The following EPB42 variants were observed in gnomAD, a reference collection of about 807,000 sequenced individuals.
EPB42 encodes the protein erythrocyte membrane protein band 4.2, also known as protein 4.2.
Under a neutral mutation model 76.9 loss-of-function variants are expected in EPB42, and 49 were observed. That is an observed-to-expected ratio of 0.64 (90% CI 0.51 to 0.81). The LOEUF is 0.81. Among genes scored for constraint, EPB42 ranks in the 30% least tolerant of loss-of-function variants. The pLI is 0.00. For synonymous variants in EPB42, 310 were observed against 338.4 expected (o/e 0.92, Z 0.92); for missense variants, 731 against 867.6 (o/e 0.84, Z 1.98).
Position 43,206,136 on chromosome 15 carries a change from G to C in EPB42, c.1618+194C>G. 1.7e-6 allele frequency: 1 copy of C among 589,628 alleles called. No individual in the cohort carries two copies. Among genetic ancestry groups the C allele is most frequent in the Non-Finnish European group, 2.9e-6 (1 of 345,382 alleles). The allele number at this position is 589,628 out of a possible 1,614,324, so 36.5% of individuals were successfully genotyped here. A position where few individuals can be genotyped will look rare whatever the true frequency, so the allele number is the denominator to read the frequency against. ...TACTTATCTGACTGCAGTTGGCATCGTGTTTTTTTCCTGCTTCAGGCCCAA... is the reference window on the plus strand; with the variant it reads ...TACTTATCTGACTGCAGTTGGCATCCTGTTTTTTTCCTGCTTCAGGCCCAA... On this transcript the variant is annotated intron_variant, in intron 10 of 12. Coordinates refer to ENST00000441366, the MANE Select transcript of EPB42 (RefSeq NM_001114134.2). The surrounding 1 kb of genome is among the most constrained non-coding windows in gnomAD (Gnocchi z 4.7).
chr15:43,197,752 T>C (rs1398537904), intron 12 of EPB42, among the ~76,000 whole-genome samples: 4 of 152,168 alleles, frequency 2.6e-5, no homozygotes, highest in African/African-American at 9.7e-5. Context: ...GGTAATTGTA[T>C]TGGAGTTTGT....
chr15:43,209,279 C>G lies in EPB42; in HGVS notation c.827G>C (p.Cys276Ser). The G allele has an allele frequency of 3.1e-6, 5 of 1,614,094 alleles. No individual in the cohort carries two copies. Among genetic ancestry groups the G allele is most frequent in the Non-Finnish European group, 3.4e-6 (4 of 1,180,024 alleles). Residue 276 changes from cysteine to serine, a missense_variant, in exon 6 of 13, where the codon TGC (cysteine) becomes TCC (serine). Physicochemically the swap from Cys to Ser is moderately radical, Grantham distance 112. Coordinates refer to ENST00000441366, the MANE Select transcript of EPB42 (RefSeq NM_001114134.2). ...GQAWVLAAVA[C>S]TVLRCLGIPA... ...CAGGAGACAAGGGGACCAACCTGTG[C>G]AAGCAACAGCAGCCAACACCCAGGC... is the stretch of plus-strand genomic sequence containing the variant.
In EPB42 at chr15:43,206,461, G is replaced by A. The variant is rs199787216; in HGVS notation, c.1487C>T (p.Thr496Met). The change falls in exon 10 of 13, where the codon ACG (threonine) becomes ATG (methionine). Residue 496 changes from threonine (T) to methionine (M), a missense_variant. By Grantham distance (81) the Thr-to-Met change is moderately conservative. Coordinates refer to ENST00000441366, the MANE Select transcript of EPB42 (RefSeq NM_001114134.2). The surrounding 1 kb of genome is among the most constrained non-coding windows in gnomAD (Gnocchi z 4.7). Reference sequence around the variant, plus strand: ...CTCCTGCTCACTGTGATTAACCAGCGTCACTGAGATCTGGGCATCCCCTCT... The same window carrying A: ...CTCCTGCTCACTGTGATTAACCAGCATCACTGAGATCTGGGCATCCCCTCT... ...PLRGDAQISV[T>M]LVNHSEQEKA... 1.8e-4 allele frequency: 296 copies of A among 1,614,226 alleles called. 3 individuals carry two copies. The highest frequency in any genetic ancestry group is 5.3e-4 in the East Asian group (24 of 44,882).
At chr15:43,224,349 C>T (rs953580956), upstream of EPB42, among the ~76,000 whole-genome samples, 1 of 152,184 alleles carries the variant, frequency 6.6e-6, no homozygotes, top group South Asian at 2.1e-4. Context: ...AGGGCTTCAA[C>T]ATATGAATTT....
At chr15:43,215,024 G>T in intron 3 of EPB42, 71 bp downstream of exon 3, 1 of 1,363,128 alleles carries the variant, frequency 7.3e-7, no homozygotes, top group Non-Finnish European at 1.0e-6. Context: ...GGTGCTCCCT[G>T]CCAGAGCTGC....
intron 1 of EPB42, among the ~76,000 whole-genome samples, chr15:43,218,127 C>T (rs2042404885): frequency 6.6e-6 from 1 of 152,124 alleles, no homozygotes; most frequent in African/African-American, 2.4e-5. Flanking sequence ...AACTGAAGTA[C>T]AGCAGCACTC....
intron 10 of EPB42, among the ~76,000 whole-genome samples, chr15:43,205,705 T>C (rs766495190): frequency 8.5e-5 from 13 of 152,200 alleles, no homozygotes; most frequent in African/African-American, 1.2e-4. Flanking sequence ...CAGCCCACCA[T>C]AGAATCTGTC....
intron 1 of EPB42, 156 bp downstream of exon 1, chr15:43,220,660 A>AC: frequency 1.3e-4 from 18 of 138,534 alleles, no homozygotes; most frequent in South Asian, 1.9e-4. Context: ...CCCCCCCCCC[A>AC]CAGCCACCTC....
intron 3 of EPB42, among the ~76,000 whole-genome samples, chr15:43,213,844 G>A (rs1030871791): frequency 5.9e-5 from 9 of 152,234 alleles, no homozygotes; most frequent in African/African-American, 2.2e-4. Flanking sequence ...AGGACAGGTG[G>A]GGCCACCTGA....
chr15:43,220,621 A>G, intron 1 of EPB42, 195 bp downstream of exon 1: 1 of 1,010,220 alleles, frequency 9.9e-7, no homozygotes, highest in South Asian at 1.3e-5. Flanking sequence ...CCAGCTCACT[A>G]TCACCTCTAC....
intron 2 of EPB42, among the ~76,000 whole-genome samples, chr15:43,215,861 T>G (rs1567282483): frequency 6.6e-6 from 1 of 152,194 alleles, no homozygotes; most frequent in East Asian, 1.9e-4. Context: ...TGGCTAATTT[T>G]TTGTATTTTT....
intron 1 of EPB42, among the ~76,000 whole-genome samples, chr15:43,219,660 C>T (rs578139206): frequency 1.3e-5 from 2 of 152,274 alleles, no homozygotes; most frequent in Non-Finnish European, 1.5e-5. Flanking sequence ...ATAAAAAGAA[C>T]GATTTGGCCA....
chr15:43,209,238 G>A (rs2042253594), intron 6 of EPB42, 36 bp downstream of exon 6: 2 of 1,613,022 alleles, frequency 1.2e-6, no homozygotes, highest in East Asian at 4.5e-5. Flanking sequence ...AACAACCCAG[G>A]AGGCAGGGCA....
intron 12 of EPB42, among the ~76,000 whole-genome samples, chr15:43,198,912 G>A (rs57287824): frequency 3.3e-5 from 5 of 152,162 alleles, no homozygotes; most frequent in South Asian, 4.1e-4. Flanking sequence ...GGTGGAAGCC[G>A]CAAGCCTTGG....
At chr15:43,217,101 G>T (rs1448333886) in intron 1 of EPB42, among the ~76,000 whole-genome samples, 3 of 152,192 alleles carry the variant, frequency 2.0e-5, no homozygotes, top group Admixed American at 6.5e-5. Context: ...GATATGGTTT[G>T]GCTTTGGGTC....
intron 3 of EPB42, among the ~76,000 whole-genome samples, chr15:43,211,779 G>T (rs572120138): frequency 1.3e-5 from 2 of 152,324 alleles, no homozygotes; most frequent in East Asian, 3.9e-4. Flanking sequence ...ACCTTAAAAA[G>T]CTTGGCTGGC....
At chr15:43,201,782 G>C in intron 12 of EPB42, 62 bp downstream of exon 12, 1 of 1,609,772 alleles carries the variant, frequency 6.2e-7, no homozygotes, top group Non-Finnish European at 8.5e-7. Context: ...TTTCTCTCTT[G>C]GGCCCTGCCT....
At position 43,211,421 on chromosome 15, in the gene EPB42, C is replaced by T; in HGVS notation, c.544G>A (p.Gly182Ser). 1 of 1,610,046 alleles carries T rather than the reference C, an allele frequency of 6.2e-7. No individual in the cohort carries two copies. Among genetic ancestry groups the T allele is most frequent in the Non-Finnish European group, 8.5e-7 (1 of 1,176,246 alleles). Reference sequence around the variant, plus strand: ...CCCCTAGAGGGCCCTGGTACCTGGCCAAAGTCCCAGGACTCTGCCTGGATG... The same window carrying T: ...CCCCTAGAGGGCCCTGGTACCTGGCTAAAGTCCCAGGACTCTGCCTGGATG... Reference protein sequence around the residue: ...DCIQAESWDFGQFEGDVIDLS... With the variant: ...DCIQAESWDFSQFEGDVIDLS... Residue 182 changes from glycine (G) to serine (S), a missense_variant, in exon 4 of 13, where the codon GGC becomes AGC. By Grantham distance (56) the Gly-to-Ser change is moderately conservative. Transcript: ENST00000441366.
upstream of EPB42, among the ~76,000 whole-genome samples, chr15:43,224,099 T>C (rs1461801169): frequency 6.6e-6 from 1 of 152,242 alleles, no homozygotes; most frequent in East Asian, 1.9e-4. Flanking sequence ...GTTTTCACCC[T>C]TCTGTAGGAT....
Sources: allele counts gnomAD v4.1 joint callset (sites outside exome capture counted in the v4.1 genomes callset), GRCh38; gene constraint gnomAD v4.1.1; non-coding constraint Gnocchi (gnomAD v3.1); transcripts MANE v1.5; gene names NCBI Gene and HGNC (gene_info 2026-07-23, HGNC 2026-07-21).